GZMA: variants seen among roughly 807,000 people sequenced by gnomAD.
GZMA encodes CTL tryptase.
GZMA carries 17 observed loss-of-function variants against 21.1 expected under a neutral mutation model. That is an observed-to-expected ratio of 0.81 (90% CI 0.55 to 1.21). The LOEUF is 1.21. Ranked by LOEUF, GZMA falls within the 50% of genes most tolerant of loss-of-function variation. The probability of loss-of-function intolerance (pLI) is 0.00; values close to 1 mark genes in which losing one functional copy is unlikely to be tolerated. For synonymous variants in GZMA, 90 were observed against 107.8 expected (o/e 0.83, Z 1.03); for missense variants, 306 against 315.9 (o/e 0.97, Z 0.24).
chr5:55,110,134 A>T lies in GZMA; in HGVS notation c.741A>T (p.Ser247=). 1 of 1,611,470 alleles carries T rather than the reference A, an allele frequency of 6.2e-7. No homozygotes were observed. The part of the protein sequence containing the change: ...PRGPGVYILL[S]KKHLNWIIMT... ...GGCCTGGTGTCTATATTCTTCTCTC[A>T]AAGAAACACCTCAACTGGATAATTA... The change falls in exon 5 of 5, where the codon TCA becomes TCT. Residue 247 remains serine (S), a synonymous_variant. Transcript: ENST00000274306.
Position 55,102,725 on chromosome 5 carries a change from G to T in GZMA, c.43G>T (p.Val15Phe), listed in dbSNP as rs746696550. 1 of 1,609,390 alleles carries T rather than the reference G, an allele frequency of 6.2e-7. No individual in the cohort carries two copies. The highest frequency in any genetic ancestry group is 1.7e-5 in the Admixed American group (1 of 60,008). ...ATTTCTGGCATCCTCTCTCTCAGTT[G>T]TCGTTTCTCTCCTGCTAATTCCTGA... ...YRFLASSLSV[V>F]VSLLLIPEDV... Residue 15 changes from valine to phenylalanine, a missense_variant, in exon 1 of 5, where the codon GTC becomes TTC. Physicochemically the swap from Val to Phe is conservative, Grantham distance 50. Transcript: ENST00000274306.
intron 1 of GZMA, 64 bp downstream of exon 1, chr5:55,102,816 AC>A (rs918758202): frequency 6.1e-5 from 62 of 1,014,090 alleles, no homozygotes; most frequent in South Asian, 2.0e-4. Flanking sequence ...CTTTCAATGA[AC>A]TTTTGGCAAT....
rs114792648 is a variant in GZMA at position 55,102,801 on chromosome 5, G to A, written c.70+49G>A. On this transcript the variant is annotated intron_variant, in intron 1 of 4. Coordinates refer to ENST00000274306, the MANE Select transcript of GZMA (RefSeq NM_006144.4). ...CATTATGACCATGAAGCAAAATGGA[G>A]CAGACTTTCAATGAACTTTTGGCAA... 4.8e-4 allele frequency: 547 copies of A among 1,149,386 alleles called. 5 individuals are homozygous for A. In the African/African-American group the frequency reaches 7.7e-3, roughly 16 times the overall value. 71.2% of individuals were successfully genotyped at this position (1,149,386 alleles called of 1,614,324 possible). A position where few individuals can be genotyped will look rare whatever the true frequency, so the allele number is the denominator to read the frequency against.
rs1259616996 is a variant in GZMA at position 55,107,864 on chromosome 5, CTTG to C, written c.289_291del (p.Val97del). The C allele has an allele frequency of 1.6e-5, 26 of 1,612,250 alleles. No homozygotes were observed. The highest frequency in any genetic ancestry group is 2.2e-5 in the Non-Finnish European group (26 of 1,178,382). On this transcript the variant is annotated inframe_deletion, in exon 3 of 5. Transcript: ENST00000274306. ...GGAAGAGCCAACAAAACAGATAATG[CTTG>C]TTAAGAAAGAGTTTCCCTATCCATG...
At chr5:55,103,935 G>A (rs1373001083) in intron 1 of GZMA, among the ~76,000 whole-genome samples, 1 of 151,956 alleles carries the variant, frequency 6.6e-6, no homozygotes, top group Admixed American at 6.6e-5. Flanking sequence ...GAACCAGAGA[G>A]TTGGAGGCTG....
chr5:55,109,972 G>T, intron 4 of GZMA, 49 bp from the exon 5 acceptor site: 1 of 1,375,188 alleles, frequency 7.3e-7, no homozygotes, highest in Non-Finnish European at 9.6e-7. Flanking sequence ...TTCACTAGTG[G>T]TAATGCTGAA....
chr5:55,106,075 A>T (rs1200733091), intron 2 of GZMA, among the ~76,000 whole-genome samples: 1 of 4,268 alleles, frequency 2.3e-4, no homozygotes, highest in African/African-American at 5.0e-4. Context: ...TAAAATAAAT[A>T]AAATAAAATA....
At chr5:55,104,087 T>C (rs1013564784) in intron 1 of GZMA, among the ~76,000 whole-genome samples, 12 of 152,142 alleles carry the variant, frequency 7.9e-5, no homozygotes, top group African/African-American at 1.4e-4. Flanking sequence ...AGGTTGGCTA[T>C]GTTATAAGCA....
intron 2 of GZMA, among the ~76,000 whole-genome samples, chr5:55,106,935 T>C (rs764191790): frequency 7.2e-5 from 11 of 152,228 alleles, no homozygotes; most frequent in Non-Finnish European, 1.2e-4. Flanking sequence ...TGCAGATTCA[T>C]AGAACATTTC....
chr5:55,107,696 T>G, intron 2 of GZMA, 98 bp from the exon 3 acceptor site: 2 of 778,126 alleles, frequency 2.6e-6, no homozygotes, highest in Non-Finnish European at 4.0e-6. Context: ...TCTCCCCACC[T>G]CCATATTTAC....
In GZMA at chr5:55,110,042, T is replaced by C. The variant is rs752044136; in HGVS notation, c.649T>C (p.Leu217=). 2 of 1,610,120 alleles carry C rather than the reference T, an allele frequency of 1.2e-6. No individual in the cohort carries two copies. The highest frequency in any genetic ancestry group is 1.7e-5 in the Admixed American group (1 of 59,248). ...SCNGDSGSPL[L]CEGVFRGVTS... is the part of the protein sequence containing the mutation. Reference sequence around the variant, plus strand: ...CCAGGGAGATTCTGGAAGCCCTTTGTTGTGCGAGGGTGTTTTCCGAGGGGT... The same window carrying C: ...CCAGGGAGATTCTGGAAGCCCTTTGCTGTGCGAGGGTGTTTTCCGAGGGGT... The change falls in exon 5 of 5, where the codon TTG becomes CTG. Residue 217 remains leucine (L), a synonymous_variant. Transcript: ENST00000274306.
At chr5:55,108,582 A>G (rs1297116880) in intron 4 of GZMA, among the ~76,000 whole-genome samples, 188 bp downstream of exon 4, 1 of 152,236 alleles carries the variant, frequency 6.6e-6, no homozygotes. Flanking sequence ...TTAATCAAAA[A>G]TAAGAAGTTC....
intron 3 of GZMA, 26 bp downstream of exon 3, chr5:55,107,961 A>G: frequency 6.2e-7 from 1 of 1,604,214 alleles, no homozygotes; most frequent in Non-Finnish European, 8.5e-7. Flanking sequence ...TGTCTTCTCA[A>G]AAGTCATAGA....
chr5:55,103,283 CA>C (rs1742334454), intron 1 of GZMA, among the ~76,000 whole-genome samples: 1 of 152,138 alleles, frequency 6.6e-6, no homozygotes, highest in South Asian at 2.1e-4. Flanking sequence ...ACAATTAAGA[CA>C]AATCTGACCT....
chr5:55,108,002 A>C (rs184707876), intron 3 of GZMA, 67 bp downstream of exon 3: 411 of 1,488,652 alleles, frequency 2.8e-4, no homozygotes, highest in Non-Finnish European at 3.6e-4. Flanking sequence ...CGACGTGAAA[A>C]CCTTTCCTTG....
Position 55,110,217 on chromosome 5 carries a change from A to T in GZMA, c.*35A>T, listed in dbSNP as rs1742479150. On this transcript the variant is annotated 3_prime_UTR_variant, in exon 5 of 5. Transcript: ENST00000274306. ...TCCTTTCATTTACTGTGGCTTCTTAATCTTTTCACAAATAAAATCAATTTG... is the reference window on the plus strand; with the variant it reads ...TCCTTTCATTTACTGTGGCTTCTTATTCTTTTCACAAATAAAATCAATTTG... The T allele has an allele frequency of 6.8e-7, 1 of 1,467,206 alleles. No individual in the cohort carries two copies. Among genetic ancestry groups the T allele is most frequent in the African/African-American group, 1.4e-5 (1 of 69,686 alleles). 90.9% of individuals were successfully genotyped at this position (1,467,206 alleles called of 1,614,324 possible). A position where few individuals can be genotyped will look rare whatever the true frequency, so the allele number is the denominator to read the frequency against.
At chr5:55,103,796 A>C (rs1742342104) in intron 1 of GZMA, among the ~76,000 whole-genome samples, 1 of 152,164 alleles carries the variant, frequency 6.6e-6, no homozygotes, top group African/African-American at 2.4e-5. Flanking sequence ...TCACAAGGTC[A>C]AGAGATGGAG....
rs1183486767 is a variant in GZMA, at chr5:55,106,289, AATAAAATAAAAT to A, written c.215+685_215+696del. On this transcript the variant is annotated intron_variant, in intron 2 of 4. Transcript: ENST00000274306. ...AATAAAATAAAATAAAATAAAATAA[AATAAAATAAAAT>A]ATAAAATAAAATAAAATATAAAATA... 1.2e-3 allele frequency among the ~76,000 whole-genome samples: 15 copies of A among 12,602 alleles called. 7 individuals are homozygous for A. The highest frequency in any genetic ancestry group is 8.7e-3 in the East Asian group (2 of 230). The allele number at this position is 12,602 out of a possible 152,430, so 8.3% of individuals were successfully genotyped here.
In GZMA at chr5:55,108,235, TCA is replaced by T. The variant is rs766895884; in HGVS notation, c.471_472del (p.His157GlnfsTer2). ...MCQVAGWGRTHNSASWSDTLR... is the reference protein window; with the variant it reads ...MCQVAGWGRTXNSASWSDTLR... ...GCCAAGTTGCAGGGTGGGGCAGGACTCACAATAGTGCATCTTGGTCCGATACT... is the reference window on the plus strand; with the variant it reads ...GCCAAGTTGCAGGGTGGGGCAGGACTCAATAGTGCATCTTGGTCCGATACT... On this transcript the variant is annotated frameshift_variant, in exon 4 of 5. Coordinates refer to ENST00000274306, the MANE Select transcript of GZMA (RefSeq NM_006144.4). LOFTEE classifies it high-confidence loss of function. The T allele has an allele frequency of 6.2e-7, 1 of 1,613,888 alleles. No individual in the cohort carries two copies. Among genetic ancestry groups the T allele is most frequent in the Non-Finnish European group, 8.5e-7 (1 of 1,179,834 alleles).
Sources: allele counts gnomAD v4.1 joint callset (sites outside exome capture counted in the v4.1 genomes callset), GRCh38; gene constraint gnomAD v4.1.1; transcripts MANE v1.5; gene names NCBI Gene and HGNC (gene_info 2026-07-23, HGNC 2026-07-21).